LRRC2: variants seen among roughly 807,000 people sequenced by gnomAD.
LRRC2 encodes the protein leucine rich repeat containing 2, also known as leucine-rich repeat-containing protein 2.
LRRC2 carries 27 observed loss-of-function variants against 40.2 expected under a neutral mutation model. The observed-to-expected ratio is 0.67, with a 90% CI of 0.49 to 0.93. The LOEUF is 0.93. Among genes scored for constraint, LRRC2 ranks in the 40% least tolerant of loss-of-function variants. The pLI is 0.00. For synonymous variants in LRRC2, 147 were observed against 158.9 expected, an observed-to-expected ratio of 0.92 and a Z score of 0.56; for missense variants, 402 against 439.6, an observed-to-expected ratio of 0.91 and a Z score of 0.76.
intron 1 of LRRC2, chr3:46,557,298 A>T (rs577192852): frequency 1.3e-5 from 2 of 148,420 alleles, no homozygotes; most frequent in Admixed American, 6.8e-5. Flanking sequence ...GCACCTTGCG[A>T]CCCCCACTCC....
chr3:46,529,963 A>G lies in LRRC2; in HGVS notation c.715T>C (p.Leu239=), dbSNP rs1355707721. The G allele has an allele frequency of 1.2e-6, 2 of 1,614,160 alleles. No individual in the cohort carries two copies. The highest frequency in any genetic ancestry group is 1.1e-5 in the South Asian group (1 of 91,084). The change falls in exon 6 of 9, where the codon TTG becomes CTG. Residue 239 remains leucine, a synonymous_variant. Transcript: ENST00000395905. ...VPICVLRMSN[L]QWLDISSNNL... ...TTGCTGCTGATATCCAACCACTGCA[A>G]ATTCGACATCCGCAGGACACAGATT... is the stretch of plus-strand genomic sequence containing the variant.
chr3:46,549,930 T>C (rs1226458177), intron 2 of LRRC2, among the ~76,000 whole-genome samples: 1 of 152,258 alleles, frequency 6.6e-6, no homozygotes, highest in East Asian at 1.9e-4. Context: ...GTATGATTTA[T>C]GTGAGTGTAG....
intron 7 of LRRC2, among the ~76,000 whole-genome samples, chr3:46,522,760 A>AAC (rs71098411): frequency 0.036 from 5,159 of 143,264 alleles, 142 homozygotes; most frequent in African/African-American, 0.061. Context: ...AACTACTGCT[A>AAC]ACACACACAC....
At chr3:46,522,297 C>T (rs1381795183) in intron 7 of LRRC2, among the ~76,000 whole-genome samples, 2 of 151,698 alleles carry the variant, frequency 1.3e-5, no homozygotes, top group Non-Finnish European at 2.9e-5. Context: ...ATTGCTTGAA[C>T]CCAGGAGGCA....
chr3:46,539,257 G>A (rs897155283), intron 3 of LRRC2, 56 bp from the exon 4 acceptor site: 93 of 1,519,518 alleles, frequency 6.1e-5, no homozygotes, highest in Middle Eastern at 1.7e-4. Flanking sequence ...GCACAAAGCC[G>A]TGTAAAACCA....
chr3:46,559,934 C>T (rs114567697), intron 1 of LRRC2, among the ~76,000 whole-genome samples: 301 of 152,230 alleles, frequency 2.0e-3, no homozygotes, highest in African/African-American at 7.1e-3. Flanking sequence ...CAGCATCTTG[C>T]GAAGTTTTGT....
intron 2 of LRRC2, 38 bp downstream of exon 2, chr3:46,551,429 C>T: frequency 2.5e-6 from 4 of 1,597,806 alleles, no homozygotes; most frequent in Non-Finnish European, 3.4e-6. Context: ...TCCTTATTCA[C>T]CAAACAAGCT....
rs1703843843 is a variant in LRRC2, at chr3:46,515,447, T to G, written c.*3567A>C. On this transcript the variant is annotated 3_prime_UTR_variant, in exon 9 of 9. Coordinates refer to ENST00000395905, the MANE Select transcript of LRRC2 (RefSeq NM_024512.5). ...TACTTTAATATTCATACATGTATTC[T>G]GCCATGTAAATAACCTTTCCAAATT... is the stretch of plus-strand genomic sequence containing the variant. The G allele has an allele frequency of 6.6e-6, 1 of 152,210 alleles. No homozygotes were observed. The highest frequency in any genetic ancestry group is 2.4e-5 in the African/African-American group (1 of 41,464). 9.4% of individuals were successfully genotyped at this position (152,210 alleles called of 1,614,324 possible).
At position 46,529,831 on chromosome 3, in the gene LRRC2, T is replaced by G. The variant is rs1000238022; in HGVS notation, c.773+74A>C. The G allele has an allele frequency of 1.7e-5, 25 of 1,462,582 alleles. No homozygotes were observed. The Admixed American group carries it at 4.3e-4, about 25-fold the overall frequency. The allele number at this position is 1,462,582 out of a possible 1,614,324, so 90.6% of individuals were successfully genotyped here. On this transcript the variant is annotated intron_variant, in intron 6 of 8. Transcript: ENST00000395905. ...CCAAAGAACATTCATGTACTATACA[T>G]GTTTCAAATGTTAACAGTGTTTGAA...
At chr3:46,529,874 A>C in intron 6 of LRRC2, 31 bp downstream of exon 6, 1 of 1,612,800 alleles carries the variant, frequency 6.2e-7, no homozygotes, top group Non-Finnish European at 8.5e-7. Context: ...TAACTAATAC[A>C]TACACCTCAC....
At chr3:46,537,290 G>C (rs1337949763) in intron 4 of LRRC2, among the ~76,000 whole-genome samples, 2 of 152,114 alleles carry the variant, frequency 1.3e-5, no homozygotes, top group African/African-American at 4.8e-5. Context: ...TGTAGAGATG[G>C]GGTTTTGCCA....
intron 1 of LRRC2, among the ~76,000 whole-genome samples, chr3:46,555,719 A>G (rs1704776614): frequency 6.6e-6 from 1 of 152,162 alleles, no homozygotes. Context: ...TTGGCTTCCA[A>G]TCATCAAATT....
At chr3:46,550,728 T>C (rs916695716) in intron 2 of LRRC2, among the ~76,000 whole-genome samples, 2 of 152,154 alleles carry the variant, frequency 1.3e-5, no homozygotes, top group Non-Finnish European at 2.9e-5. Flanking sequence ...TGTGCAAATA[T>C]ACCATCATTG....
At chr3:46,523,112 T>A (rs1458740308) in intron 7 of LRRC2, among the ~76,000 whole-genome samples, 2 of 152,210 alleles carry the variant, frequency 1.3e-5, no homozygotes, top group South Asian at 4.1e-4. Context: ...GTTTAAAAGT[T>A]GTAATGTTTA....
intron 1 of LRRC2, chr3:46,558,092 A>G (rs1387118720): frequency 6.6e-6 from 1 of 152,274 alleles, no homozygotes; most frequent in Admixed American, 6.5e-5. Flanking sequence ...GCAAAGTCGC[A>G]AAGGGACTGT....
chr3:46,524,049 T>C (rs1704013047), intron 7 of LRRC2, among the ~76,000 whole-genome samples: 1 of 152,224 alleles, frequency 6.6e-6, no homozygotes, highest in South Asian at 2.1e-4. Context: ...CATTTTTGTG[T>C]AATCACATCT....
chr3:46,525,336 G>A (rs943807339), intron 7 of LRRC2, among the ~76,000 whole-genome samples: 6 of 151,124 alleles, frequency 4.0e-5, no homozygotes, highest in East Asian at 1.9e-4. Context: ...CTGTAACATC[G>A]AACTCCTGGG....
chr3:46,539,038 G>A lies in LRRC2; in HGVS notation c.490+7C>T, dbSNP rs1267838957. 3.1e-6 allele frequency: 5 copies of A among 1,613,122 alleles called. No individual in the cohort carries two copies. The highest frequency in any genetic ancestry group is 3.4e-6 in the Non-Finnish European group (4 of 1,179,658). On this transcript the variant is annotated splice_region_variant and intron_variant, in intron 4 of 8. Transcript: ENST00000395905. ...GAGGCCCGAAGACCCCTGCTAAGTT[G>A]ACATACCGATTTCTGCTGGAAGATG...
intron 1 of LRRC2, among the ~76,000 whole-genome samples, chr3:46,552,780 G>A (rs984276143): frequency 1.3e-5 from 2 of 152,136 alleles, no homozygotes; most frequent in African/African-American, 4.8e-5. Context: ...TGACCACACA[G>A]CCTGGAGACA....
Sources: gnomAD v4.1 joint callset for allele counts (sites outside exome capture counted in the v4.1 genomes callset) on GRCh38, gnomAD v4.1.1 for gene constraint, MANE v1.5 for transcripts, NCBI Gene and HGNC (gene_info 2026-07-23, HGNC 2026-07-21) for gene names.